The following VEPH1 variants were observed in gnomAD, a reference collection of about 807,000 sequenced individuals.
VEPH1 encodes ventricular zone expressed PH domain containing 1.
In VEPH1, 80 loss-of-function variants were observed where a neutral mutation model predicts 85.2. That is an observed-to-expected ratio of 0.94 (90% CI 0.78 to 1.13). The LOEUF (loss-of-function observed/expected upper bound fraction) is 1.13, where lower values mean the gene tolerates loss of function less well. Among genes scored for constraint, VEPH1 ranks in the 50% most tolerant of loss-of-function variants. The pLI is 0.00. For synonymous variants in VEPH1, 297 were observed against 348.0 expected, an observed-to-expected ratio of 0.85 and a Z score of 1.63; for missense variants, 955 against 980.5, an observed-to-expected ratio of 0.97 and a Z score of 0.35.
intron 9 of VEPH1, among the ~76,000 whole-genome samples, chr3:157,348,685 T>C (rs1212760166): frequency 3.3e-5 from 5 of 152,246 alleles, no homozygotes. Flanking sequence ...TGCAGAGGCC[T>C]GGTGCCTCCA....
chr3:157,382,468 G>A (rs998482063), intron 6 of VEPH1, among the ~76,000 whole-genome samples: 1 of 152,220 alleles, frequency 6.6e-6, no homozygotes, highest in South Asian at 2.1e-4. Flanking sequence ...ATGTAGATTT[G>A]TGCCCAATAG....
chr3:157,331,406 C>G (rs370996902), intron 9 of VEPH1, among the ~76,000 whole-genome samples: 1 of 152,160 alleles, frequency 6.6e-6, no homozygotes, highest in African/African-American at 2.4e-5. Context: ...ACCCCCATTG[C>G]GTATGCCTAT....
At chr3:157,292,937 C>T (rs1465681279) in intron 11 of VEPH1, among the ~76,000 whole-genome samples, 17 of 147,394 alleles carry the variant, frequency 1.2e-4, no homozygotes, top group Non-Finnish European at 1.0e-4. Context: ...GAGCTGAGAT[C>T]GCACCATTGC....
rs1489746212 is a variant in VEPH1 at position 157,460,292 on chromosome 3, C to G, written c.418G>C (p.Gly140Arg). 1.3e-5 allele frequency: 21 copies of G among 1,614,154 alleles called. No individual in the cohort carries two copies. The highest frequency in any genetic ancestry group is 1.6e-4 in the Middle Eastern group (1 of 6,062). The stretch of plus-strand genomic sequence containing the variant: ...ATATTCCTGCACAGTTCCTTGTTGC[C>G]TCTGTGGAGGAATTTCACTGCAATG... ...IPIAVKFLHR[G>R]NKELCRNMSN... Residue 140 changes from glycine to arginine, a missense_variant, in exon 4 of 14, where the codon GGC (glycine) becomes CGC (arginine). By Grantham distance (125) the Gly-to-Arg change is moderately radical. Coordinates refer to ENST00000362010, the MANE Select transcript of VEPH1 (RefSeq NM_001167912.2).
intron 9 of VEPH1, among the ~76,000 whole-genome samples, chr3:157,335,495 C>T (rs1254258385): frequency 6.6e-6 from 1 of 152,032 alleles, no homozygotes; most frequent in Non-Finnish European, 1.5e-5. Context: ...AGGAGAACAA[C>T]AAAGAGAGGG....
At chr3:157,471,193 A>G (rs78596972) in intron 2 of VEPH1, among the ~76,000 whole-genome samples, 3,231 of 152,302 alleles carry the variant, frequency 0.021, 100 homozygotes, top group African/African-American at 0.07. Context: ...AAAACTGAAA[A>G]TATAATAGAG....
chr3:157,457,187 G>C (rs1735454847), intron 4 of VEPH1, among the ~76,000 whole-genome samples: 1 of 152,054 alleles, frequency 6.6e-6, no homozygotes, highest in South Asian at 2.1e-4. Flanking sequence ...CTTGGCTACT[G>C]GTGGTGTGTG....
At chr3:157,315,976 C>T (rs1254013701) in intron 10 of VEPH1, 1 of 151,998 alleles carries the variant, frequency 6.6e-6, no homozygotes, top group East Asian at 1.9e-4. Flanking sequence ...CAATTTGGTT[C>T]ACACCAAAAT....
At chr3:157,325,216 T>C (rs1159296232) in intron 9 of VEPH1, among the ~76,000 whole-genome samples, 2 of 152,196 alleles carry the variant, frequency 1.3e-5, no homozygotes, top group African/African-American at 2.4e-5. Context: ...TTTGTTTAAG[T>C]TCTTTGTAGA....
chr3:157,499,311 C>T (rs1266515985), intron 1 of VEPH1: 3 of 141,202 alleles, frequency 2.1e-5, no homozygotes, highest in Admixed American at 7.4e-5. Flanking sequence ...TAGGGAGAAA[C>T]AGAAACCACA....
chr3:157,439,917 A>T (rs567003844), intron 4 of VEPH1, among the ~76,000 whole-genome samples: 11 of 151,932 alleles, frequency 7.2e-5, no homozygotes, highest in African/African-American at 2.7e-4. Flanking sequence ...TACCCAGCTA[A>T]TTTTTTGCAT....
chr3:157,284,289 A>G (rs1716503765), intron 12 of VEPH1, among the ~76,000 whole-genome samples: 2 of 152,206 alleles, frequency 1.3e-5, no homozygotes, highest in African/African-American at 4.8e-5. Context: ...TTTTTCGAAT[A>G]CACCTTTTGG....
intron 12 of VEPH1, among the ~76,000 whole-genome samples, chr3:157,273,049 G>A (rs1184427687): frequency 6.6e-6 from 1 of 152,154 alleles, no homozygotes; most frequent in Admixed American, 6.5e-5. Context: ...TGGGTCTAAA[G>A]AATAGAGAAA....
chr3:157,364,239 T>C, intron 8 of VEPH1, 64 bp downstream of exon 8: 1 of 1,306,866 alleles, frequency 7.7e-7, no homozygotes, highest in Non-Finnish European at 1.1e-6. Flanking sequence ...CATAACAGAG[T>C]GATAACAAAG....
In VEPH1 at chr3:157,286,583, A is replaced by G. The variant is rs1318371597; in HGVS notation, c.2102T>C (p.Met701Thr). 6.2e-6 allele frequency: 10 copies of G among 1,613,940 alleles called. No individual in the cohort carries two copies. The highest frequency in any genetic ancestry group is 8.5e-6 in the Non-Finnish European group (10 of 1,179,922). The change falls in exon 12 of 14, where the codon ATG (methionine) becomes ACG (threonine). Residue 701 changes from methionine (M) to threonine (T), a missense_variant. By Grantham distance (81) the Met-to-Thr change is moderately conservative. Coordinates refer to ENST00000362010, the MANE Select transcript of VEPH1 (RefSeq NM_001167912.2). ...AGTTGCTTTCTCAGGATTGTTGCAC[A>G]TGAAGCATTGCCATGCTCCTGCTGT... is the stretch of plus-strand genomic sequence containing the variant. Reference protein sequence around the residue: ...SETAGAWQCFMCNNPEKATVV... With the variant: ...SETAGAWQCFTCNNPEKATVV...
At chr3:157,308,046 AT>A (rs1254476576) in intron 11 of VEPH1, among the ~76,000 whole-genome samples, 1 of 151,788 alleles carries the variant, frequency 6.6e-6, no homozygotes, top group East Asian at 1.9e-4. Flanking sequence ...TTGATCTTAT[AT>A]CAAATAACTT....
intron 2 of VEPH1, among the ~76,000 whole-genome samples, chr3:157,494,948 G>A (rs762351674): frequency 2.0e-5 from 3 of 152,056 alleles, no homozygotes; most frequent in Middle Eastern, 3.2e-3. Context: ...TAATATTTTT[G>A]TGAGAATTCC....
chr3:157,445,697 G>C (rs1002808910), intron 4 of VEPH1, among the ~76,000 whole-genome samples: 5 of 152,140 alleles, frequency 3.3e-5, no homozygotes, highest in African/African-American at 1.2e-4. Context: ...GGTGAGGCAG[G>C]AGAATCTCTT....
At chr3:157,442,536 G>A (rs532972316) in intron 4 of VEPH1, 3 of 1,614,192 alleles carry the variant, frequency 1.9e-6, no homozygotes, top group Non-Finnish European at 2.5e-6. Flanking sequence ...GAATCCATAT[G>A]AAATCCAGCT....
Sources: gnomAD v4.1 joint callset for allele counts (sites outside exome capture counted in the v4.1 genomes callset) on GRCh38, gnomAD v4.1.1 for gene constraint, MANE v1.5 for transcripts, NCBI Gene and HGNC (gene_info 2026-07-23, HGNC 2026-07-21) for gene names.